Variants in CHCHD6 observed in about 807,000 individuals in gnomAD.
The protein encoded by CHCHD6 is MICOS complex subunit MIC25.
A neutral mutation model predicts 32.3 loss-of-function variants in CHCHD6; 28 were observed. That is an observed-to-expected ratio of 0.87 (90% CI 0.64 to 1.19). The LOEUF (loss-of-function observed/expected upper bound fraction) is 1.19. CHCHD6 is among the 50% of genes most tolerant of loss of function. The pLI, the probability that CHCHD6 is intolerant of heterozygous loss-of-function variation, is 0.00. For synonymous variants in CHCHD6, 122 were observed against 117.5 expected, an observed-to-expected ratio of 1.04 and a Z score of -0.25; for missense variants, 333 against 307.0, an observed-to-expected ratio of 1.08 and a Z score of -0.63.
At chr3:126,715,753 A>G (rs1014711415) in intron 1 of CHCHD6, among the ~76,000 whole-genome samples, 2 of 152,014 alleles carry the variant, frequency 1.3e-5, no homozygotes, top group Non-Finnish European at 2.9e-5. Context: ...TTACTTTAGG[A>G]GTTTTTCTTC....
chr3:126,893,769 TCC>T (rs1371775936), intron 5 of CHCHD6, among the ~76,000 whole-genome samples: 1 of 152,204 alleles, frequency 6.6e-6, no homozygotes. Flanking sequence ...GCATTGACTA[TCC>T]TGGGTGTCCT....
intron 4 of CHCHD6, among the ~76,000 whole-genome samples, chr3:126,841,925 A>G (rs552449333): frequency 6.6e-6 from 1 of 151,880 alleles, no homozygotes; most frequent in East Asian, 1.9e-4. Flanking sequence ...AAACAAAACA[A>G]AACAAAACCA....
At chr3:126,914,031 G>A (rs967765712) in intron 5 of CHCHD6, among the ~76,000 whole-genome samples, 1 of 152,244 alleles carries the variant, frequency 6.6e-6, no homozygotes. Flanking sequence ...GTGTGTGCCT[G>A]TGGATGCTCC....
intron 6 of CHCHD6, among the ~76,000 whole-genome samples, chr3:126,951,715 G>A (rs1245990026): frequency 6.6e-6 from 1 of 152,218 alleles, no homozygotes; most frequent in African/African-American, 2.4e-5. Flanking sequence ...TCCAGCTGGG[G>A]ATGGGCTGGG....
At chr3:126,902,829 G>A (rs1252676547) in intron 5 of CHCHD6, among the ~76,000 whole-genome samples, 2 of 152,080 alleles carry the variant, frequency 1.3e-5, no homozygotes, top group African/African-American at 4.8e-5. Context: ...CTGCAGGCTT[G>A]TAAAGAGCAG....
chr3:126,832,506 A>G (rs957165687), intron 4 of CHCHD6, among the ~76,000 whole-genome samples: 2 of 152,182 alleles, frequency 1.3e-5, no homozygotes, highest in Non-Finnish European at 2.9e-5. Context: ...AAAGCTGGCA[A>G]GATCCTTCCT....
chr3:126,734,013 C>T (rs1397145537), intron 4 of CHCHD6, among the ~76,000 whole-genome samples: 1 of 152,150 alleles, frequency 6.6e-6, no homozygotes, highest in Non-Finnish European at 1.5e-5. Flanking sequence ...GTTACTGCCC[C>T]ACAAGTCCCA....
intron 5 of CHCHD6, among the ~76,000 whole-genome samples, chr3:126,864,504 TCACCTCCTCTTC>T (rs1376418940): frequency 8.4e-6 from 1 of 118,370 alleles, no homozygotes; most frequent in South Asian, 3.2e-4. Context: ...ATCACCACCA[TCACCTCCTCTTC>T]CACCTCCACC....
chr3:126,883,019 T>C (rs184211907), intron 5 of CHCHD6, among the ~76,000 whole-genome samples: 1 of 152,328 alleles, frequency 6.6e-6, no homozygotes, highest in East Asian at 1.9e-4. Context: ...TGAAGTTAAG[T>C]TGATGGCTGA....
At chr3:126,875,592 C>T (rs1030272492) in intron 5 of CHCHD6, among the ~76,000 whole-genome samples, 1 of 152,138 alleles carries the variant, frequency 6.6e-6, no homozygotes, top group African/African-American at 2.4e-5. Context: ...GAAAGACTCC[C>T]GAGGCTTCTG....
chr3:126,810,999 G>C (rs1454272697), intron 4 of CHCHD6, among the ~76,000 whole-genome samples: 1 of 152,210 alleles, frequency 6.6e-6, no homozygotes, highest in Non-Finnish European at 1.5e-5. Context: ...ATGGATAATT[G>C]GTTGGGAGCA....
chr3:126,913,532 T>G (rs116304638), intron 5 of CHCHD6, among the ~76,000 whole-genome samples: 3,131 of 152,188 alleles, frequency 0.021, 118 homozygotes, highest in African/African-American at 0.071. Context: ...TAGATGTGGT[T>G]GTGTCTGCAA....
chr3:126,946,388 TGTGA>T (rs1458385310), intron 6 of CHCHD6, among the ~76,000 whole-genome samples: 1 of 152,240 alleles, frequency 6.6e-6, no homozygotes. Flanking sequence ...TTTCCGTGTG[TGTGA>T]GAGAGAAGGG....
At chr3:126,715,043 G>A (rs1188582722) in intron 1 of CHCHD6, among the ~76,000 whole-genome samples, 1 of 152,154 alleles carries the variant, frequency 6.6e-6, no homozygotes, top group Non-Finnish European at 1.5e-5. Flanking sequence ...AGTTTTTAAA[G>A]TAGGTTGTCT....
At chr3:126,893,020 G>A (rs1576565462) in intron 5 of CHCHD6, among the ~76,000 whole-genome samples, 1 of 152,072 alleles carries the variant, frequency 6.6e-6, no homozygotes, top group Non-Finnish European at 1.5e-5. Flanking sequence ...CCAGGCTGGA[G>A]TGCAGTGGCG....
intron 4 of CHCHD6, among the ~76,000 whole-genome samples, chr3:126,775,807 G>A (rs1937629614): frequency 1.3e-5 from 2 of 152,204 alleles, no homozygotes. Flanking sequence ...TCAAATCAGC[G>A]GCTGCTCCAG....
chr3:126,893,352 T>C (rs1321212690), intron 5 of CHCHD6, among the ~76,000 whole-genome samples: 4 of 152,208 alleles, frequency 2.6e-5, no homozygotes, highest in Admixed American at 2.6e-4. Flanking sequence ...GTTTTTTCTC[T>C]CCACTCTGTC....
intron 4 of CHCHD6, among the ~76,000 whole-genome samples, chr3:126,792,327 T>C (rs1283767931): frequency 6.6e-6 from 1 of 151,232 alleles, no homozygotes; most frequent in Non-Finnish European, 1.5e-5. Flanking sequence ...GGTAGTTCTG[T>C]ATTAAACCTT....
Position 126,901,288 on chromosome 3 carries a change from C to T in CHCHD6, c.496-13392C>T, listed in dbSNP as rs118151670. Reference sequence around the variant, plus strand: ...CTAATTTTCTGACTCTTAGTTTTGCCGTCCTCTGACGGGAGGCGCTGTCTG... The same window carrying T: ...CTAATTTTCTGACTCTTAGTTTTGCTGTCCTCTGACGGGAGGCGCTGTCTG... On this transcript the variant is annotated intron_variant, in intron 5 of 7. Transcript: ENST00000290913. 1.2e-3 allele frequency among the ~76,000 whole-genome samples: 187 copies of T among 152,320 alleles called. 1 individual carries two copies. In the East Asian group the frequency reaches 0.017, roughly 14 times the overall value.
Sources: gnomAD v4.1 joint callset for allele counts (sites outside exome capture counted in the v4.1 genomes callset) on GRCh38, gnomAD v4.1.1 for gene constraint, MANE v1.5 for transcripts, NCBI Gene and HGNC (gene_info 2026-07-23, HGNC 2026-07-21) for gene names.